Variants in CRB1 observed in about 807,000 individuals in gnomAD.
The protein encoded by CRB1 is crumbs cell polarity complex component 1, also known as protein crumbs homolog 1.
CRB1 carries 83 observed loss-of-function variants against 120.0 expected under a neutral mutation model. That is an observed-to-expected ratio of 0.69 (90% CI 0.58 to 0.83). The LOEUF is 0.83. Ranked by LOEUF, CRB1 falls within the 40% of genes least tolerant of loss-of-function variation. CRB1 has a pLI of 0.00. For missense variants in CRB1, 1,699 were observed against 1,687.6 expected (o/e 1.01, Z -0.12); for synonymous variants, 625 against 612.5 (o/e 1.02, Z -0.30).
the CRB1 span, among the ~76,000 whole-genome samples, chr1:197,252,574 A>ATGTGTGTGTG: frequency 2.4e-5 from 1 of 41,834 alleles, no homozygotes; most frequent in Non-Finnish European, 5.4e-5. Flanking sequence ...ATATATATAT[A>ATGTGTGTGTG]TATATATATG....
Position 197,435,328 on chromosome 1 carries a change from A to C in CRB1, c.3465A>C (p.Glu1155Asp). 6.2e-7 allele frequency: 1 copy of C among 1,613,788 alleles called. No homozygotes were observed. The highest frequency in any genetic ancestry group is 8.5e-7 in the Non-Finnish European group (1 of 1,179,816). ...CCTGTTTGCATGGAGGAAACTGTGA[A>C]GACATCTATAGCTCTTATCATTGCT... ...SNPCLHGGNCEDIYSSYHCSC... is the reference protein window; with the variant it reads ...SNPCLHGGNCDDIYSSYHCSC... The change falls in exon 9 of 12, where the codon GAA (glutamate) becomes GAC (aspartate). Residue 1155 changes from glutamate (E) to aspartate (D), a missense_variant. Transcript: ENST00000367400.
At chr1:197,201,771 A>G in the CRB1 span, among the ~76,000 whole-genome samples, 4 of 152,248 alleles carry the variant, frequency 2.6e-5, no homozygotes, top group Non-Finnish European at 5.9e-5. Flanking sequence ...CGTGCACGAA[A>G]GAACCCAGCG....
At chr1:197,280,012 G>T (rs987702321) in intron 1 of CRB1, among the ~76,000 whole-genome samples, 1 of 151,654 alleles carries the variant, frequency 6.6e-6, no homozygotes, top group Non-Finnish European at 1.5e-5. Flanking sequence ...ATTTTGCAGA[G>T]ATATCTAAGG....
the CRB1 span, chr1:197,223,390 G>A: frequency 2.0e-6 from 1 of 488,502 alleles, no homozygotes; most frequent in South Asian, 2.3e-5. Context: ...TATTTTGTGT[G>A]TGCCTATGGT....
At chr1:197,302,940 A>G (rs1469856422) in intron 1 of CRB1, among the ~76,000 whole-genome samples, 1 of 152,172 alleles carries the variant, frequency 6.6e-6, no homozygotes, top group African/African-American at 2.4e-5. Context: ...ATACTTTCCC[A>G]AGGCACCACA....
chr1:197,293,559 C>G (rs1656329550), intron 1 of CRB1, among the ~76,000 whole-genome samples: 1 of 152,082 alleles, frequency 6.6e-6, no homozygotes, highest in Non-Finnish European at 1.5e-5. Flanking sequence ...CTGGAAAAAA[C>G]TACTTTAAAG....
intron 8 of CRB1, among the ~76,000 whole-genome samples, chr1:197,432,676 A>G (rs1664931478): frequency 6.6e-6 from 1 of 152,152 alleles, no homozygotes; most frequent in Admixed American, 6.6e-5. Flanking sequence ...GTCCTAGTGC[A>G]GAAAGACAGT....
In CRB1 at chr1:197,405,081, C is replaced by T. The variant is rs917943204; in HGVS notation, c.1172-15919C>T. On this transcript the variant is annotated intron_variant, in intron 5 of 11. Coordinates refer to ENST00000367400, the MANE Select transcript of CRB1 (RefSeq NM_201253.3). ...CTCCCTCTCCCTCTCCCTCTCCCCA[C>T]GGTCTCCCTCTCCCTCTCTTTCCAC... Among the ~76,000 whole-genome samples, 8 of 150,736 alleles carry T rather than the reference C, an allele frequency of 5.3e-5. 1 individual carries two copies. The highest frequency in any genetic ancestry group is 4.2e-4 in the South Asian group (2 of 4,790).
At chr1:197,390,720 A>AAT (rs1299413434) in intron 5 of CRB1, among the ~76,000 whole-genome samples, 7 of 152,126 alleles carry the variant, frequency 4.6e-5, no homozygotes, top group Admixed American at 3.9e-4. Context: ...GAATTTTTTT[A>AAT]ATTGTAGCTA....
intron 11 of CRB1, among the ~76,000 whole-genome samples, chr1:197,453,812 T>C (rs1006334889): frequency 3.1e-5 from 1 of 32,360 alleles, no homozygotes; most frequent in East Asian, 6.0e-4. Context: ...TAATAATATA[T>C]TGTTAATTAT....
intron 5 of CRB1, chr1:197,363,768 G>A: frequency 1.6e-6 from 1 of 632,352 alleles, no homozygotes; most frequent in South Asian, 1.8e-5. Context: ...TTCCATGCCT[G>A]GCAACGGGTC....
At chr1:197,285,631 A>G (rs928433936) in intron 1 of CRB1, among the ~76,000 whole-genome samples, 9 of 151,894 alleles carry the variant, frequency 5.9e-5, no homozygotes, top group African/African-American at 1.9e-4. Flanking sequence ...TGTGATAGAA[A>G]CAACTCTTCT....
chr1:197,288,119 C>A (rs558641150), intron 1 of CRB1, among the ~76,000 whole-genome samples: 5 of 151,838 alleles, frequency 3.3e-5, no homozygotes, highest in Non-Finnish European at 5.9e-5. Flanking sequence ...GAGGGGAGAG[C>A]TGCACAGAGA....
At chr1:197,435,921 C>G (rs1350144328) in intron 9 of CRB1, among the ~76,000 whole-genome samples, 1 of 152,088 alleles carries the variant, frequency 6.6e-6, no homozygotes, top group Non-Finnish European at 1.5e-5. Flanking sequence ...GAAACAAATG[C>G]ATTTACAATA....
At chr1:197,223,330 TTAAAG>T in the CRB1 span, 2 of 589,488 alleles carry the variant, frequency 3.4e-6, no homozygotes, top group East Asian at 5.6e-5. Flanking sequence ...ACATTGTGGT[TTAAAG>T]TAGATAGCAT....
chr1:197,428,986 G>A, intron 7 of CRB1: 1 of 1,531,964 alleles, frequency 6.5e-7, no homozygotes, highest in Non-Finnish European at 8.7e-7. Context: ...GCAGACCAAT[G>A]TGGGAAGGGC....
chr1:197,465,479 T>A (rs1258033734), intron 11 of CRB1, among the ~76,000 whole-genome samples: 1 of 152,180 alleles, frequency 6.6e-6, no homozygotes, highest in East Asian at 1.9e-4. Context: ...AACCTTTAGT[T>A]CTAAAACTAA....
chr1:197,225,801 C>T, the CRB1 span, among the ~76,000 whole-genome samples: 1 of 152,234 alleles, frequency 6.6e-6, no homozygotes, highest in Non-Finnish European at 1.5e-5. Context: ...TTCTCGCATA[C>T]ACAGCTGTAT....
chr1:197,448,415 TCC>T (rs1665804222), intron 11 of CRB1, among the ~76,000 whole-genome samples: 1 of 152,146 alleles, frequency 6.6e-6, no homozygotes, highest in Admixed American at 6.5e-5. Context: ...GTTTGGGGAT[TCC>T]CACAACATCT....
Sources: allele counts gnomAD v4.1 joint callset (sites outside exome capture counted in the v4.1 genomes callset), GRCh38; gene constraint gnomAD v4.1.1; transcripts MANE v1.5; gene names NCBI Gene and HGNC (gene_info 2026-07-23, HGNC 2026-07-21).